The following RAPGEF6 variants were observed in gnomAD, a reference collection of about 807,000 sequenced individuals.
RAPGEF6 encodes the protein PDZ domain containing guanine nucleotide exchange factor (GEF) 2.
RAPGEF6 carries 56 observed loss-of-function variants against 171.4 expected under a neutral mutation model. That is an observed-to-expected ratio of 0.33 (90% CI 0.26 to 0.41). The LOEUF (loss-of-function observed/expected upper bound fraction) is 0.41. Among genes scored for constraint, RAPGEF6 ranks in the 10% least tolerant of loss-of-function variants. The pLI is 1.00. For missense variants in RAPGEF6, 1,674 were observed against 1,921.4 expected, an observed-to-expected ratio of 0.87 and a Z score of 2.41; for synonymous variants, 692 against 650.1, an observed-to-expected ratio of 1.06 and a Z score of -0.98.
intron 24 of RAPGEF6, among the ~76,000 whole-genome samples, chr5:131,437,940 C>CT (rs796662385): frequency 1.0e-4 from 15 of 148,898 alleles, no homozygotes; most frequent in Admixed American, 2.7e-4. Context: ...TTCTTTTCCT[C>CT]TTTTTTTTTT....
At chr5:131,455,406 C>CCTA (rs1753416437) in intron 20 of RAPGEF6, among the ~76,000 whole-genome samples, 1 of 152,122 alleles carries the variant, frequency 6.6e-6, no homozygotes, top group African/African-American at 2.4e-5. Context: ...CTACAGGCGG[C>CCTA]CGCCACCACC....
intron 1 of RAPGEF6, among the ~76,000 whole-genome samples, chr5:131,633,003 C>T (rs964542702): frequency 2.0e-5 from 3 of 152,180 alleles, no homozygotes; most frequent in Non-Finnish European, 2.9e-5. Context: ...GCCAACATAA[C>T]TTTATGAACA....
intron 19 of RAPGEF6, among the ~76,000 whole-genome samples, chr5:131,460,378 T>C (rs1753831950): frequency 6.6e-6 from 1 of 152,194 alleles, no homozygotes. Context: ...GTATGGTTTT[T>C]AGACCTCTAC....
intron 1 of RAPGEF6, among the ~76,000 whole-genome samples, chr5:131,630,977 GC>G (rs1766268864): frequency 6.6e-6 from 1 of 151,882 alleles, no homozygotes; most frequent in South Asian, 2.1e-4. Flanking sequence ...GGCTTCTAGG[GC>G]ACCACCACTC....
chr5:131,447,543 A>G (rs1413640209), intron 21 of RAPGEF6: 2 of 152,234 alleles, frequency 1.3e-5, no homozygotes, highest in African/African-American at 4.8e-5. Flanking sequence ...AGCAACTGCA[A>G]TGATGTTTGT....
intron 18 of RAPGEF6, among the ~76,000 whole-genome samples, chr5:131,462,647 G>C (rs746044849): frequency 6.6e-6 from 1 of 152,134 alleles, no homozygotes; most frequent in African/African-American, 2.4e-5. Flanking sequence ...CCAGCAAGTG[G>C]CACTTATCAG....
At chr5:131,515,655 C>G (rs1362945773) in intron 7 of RAPGEF6, among the ~76,000 whole-genome samples, 1 of 152,090 alleles carries the variant, frequency 6.6e-6, no homozygotes, top group Admixed American at 6.6e-5. Context: ...AGAAAAACTG[C>G]TGAGGGATTC....
At chr5:131,581,251 G>T (rs952016809) in intron 4 of RAPGEF6, among the ~76,000 whole-genome samples, 1 of 152,080 alleles carries the variant, frequency 6.6e-6, no homozygotes, top group Non-Finnish European at 1.5e-5. Flanking sequence ...AAATTAATCT[G>T]GCTTGGTATA....
chr5:131,452,896 T>C (rs1426153088), intron 21 of RAPGEF6, among the ~76,000 whole-genome samples, 158 bp downstream of exon 21: 1 of 152,208 alleles, frequency 6.6e-6, no homozygotes, highest in African/African-American at 2.4e-5. Flanking sequence ...CTACCTGTTA[T>C]GGTTATTAAT....
intron 13 of RAPGEF6, among the ~76,000 whole-genome samples, chr5:131,493,571 C>T (rs1756437121): frequency 6.6e-6 from 1 of 152,180 alleles, no homozygotes; most frequent in Non-Finnish European, 1.5e-5. Flanking sequence ...ATTATTTTAG[C>T]TCTTCCTTAA....
intron 14 of RAPGEF6, 80 bp from the exon 15 acceptor site, chr5:131,489,734 A>G: frequency 1.5e-6 from 1 of 677,232 alleles, no homozygotes; most frequent in South Asian, 2.5e-5. Flanking sequence ...AATAGTGAAT[A>G]AATAAAATGA....
chr5:131,549,172 A>G (rs1194159749), intron 5 of RAPGEF6, among the ~76,000 whole-genome samples: 1 of 151,256 alleles, frequency 6.6e-6, no homozygotes, highest in Non-Finnish European at 1.5e-5. Context: ...CAATCACAGA[A>G]CAAACCATAA....
chr5:131,433,467 C>T lies in RAPGEF6; in HGVS notation c.3937G>A (p.Ala1313Thr), dbSNP rs746332067. Residue 1313 changes from alanine (A) to threonine (T), a missense_variant, in exon 25 of 28, where the codon GCT becomes ACT. Ala to Thr is a moderately conservative substitution (Grantham distance 58). Transcript: ENST00000509018. ...STGALEKTEHASGIGDHSQHG... is the reference protein window; with the variant it reads ...STGALEKTEHTSGIGDHSQHG... ...TGACTATGATCTCCTATCCCTGAAG[C>T]GTGCTCTGTCTTTTCCAATGCCCCA... is the stretch of plus-strand genomic sequence containing the variant. 1.1e-5 allele frequency: 17 copies of T among 1,613,480 alleles called. No homozygotes were observed. The highest frequency in any genetic ancestry group is 1.0e-4 in the Admixed American group (6 of 59,998).
chr5:131,474,357 T>C (rs1267542368), intron 16 of RAPGEF6, among the ~76,000 whole-genome samples: 2 of 151,988 alleles, frequency 1.3e-5, no homozygotes, highest in African/African-American at 2.4e-5. Flanking sequence ...TCCCACCTAC[T>C]CTGGAGGCTG....
chr5:131,602,503 G>A (rs1764317310), intron 3 of RAPGEF6, among the ~76,000 whole-genome samples: 1 of 152,170 alleles, frequency 6.6e-6, no homozygotes, highest in Non-Finnish European at 1.5e-5. Context: ...GCTCACACCT[G>A]TAATTCCAGC....
intron 17 of RAPGEF6, among the ~76,000 whole-genome samples, chr5:131,470,168 A>G (rs748850649): frequency 1.1e-4 from 17 of 152,228 alleles, no homozygotes; most frequent in Non-Finnish European, 2.4e-4. Context: ...GTTTAAAAAT[A>G]TAAGTTAAAT....
chr5:131,428,874 G>T (rs1279225759), intron 27 of RAPGEF6, 28 bp downstream of exon 27: 2 of 1,583,030 alleles, frequency 1.3e-6, no homozygotes, highest in South Asian at 1.1e-5. Flanking sequence ...ATTCATTTAA[G>T]AGCCTTTAAG....
intron 18 of RAPGEF6, 148 bp downstream of exon 18, chr5:131,463,893 G>T (rs1318702373): frequency 7.2e-7 from 1 of 1,387,562 alleles, no homozygotes; most frequent in East Asian, 2.5e-5. Context: ...ATTTTAGCAG[G>T]AGTGACAAGA....
chr5:131,449,054 ATTC>A (rs1373446719), intron 21 of RAPGEF6, among the ~76,000 whole-genome samples: 2 of 152,186 alleles, frequency 1.3e-5, no homozygotes, highest in African/African-American at 4.8e-5. Context: ...CTCACAAAAA[ATTC>A]TTCTTACATG....
Sources: gnomAD v4.1 joint callset for allele counts (sites outside exome capture counted in the v4.1 genomes callset) on GRCh38, gnomAD v4.1.1 for gene constraint, MANE v1.5 for transcripts, NCBI Gene and HGNC (gene_info 2026-07-23, HGNC 2026-07-21) for gene names.